The following MAPK6 variants were observed in gnomAD, a reference collection of about 807,000 sequenced individuals.
MAPK6 encodes the protein ERK-3.
A neutral mutation model predicts 59.3 loss-of-function variants in MAPK6; 19 were observed. That is an observed-to-expected ratio of 0.32 (90% CI 0.22 to 0.47). MAPK6 has a LOEUF of 0.47. Among genes scored for constraint, MAPK6 ranks in the 20% least tolerant of loss-of-function variants. The pLI, the probability that MAPK6 is intolerant of heterozygous loss-of-function variation, is 1.00. For missense variants in MAPK6, 724 were observed against 847.9 expected (o/e 0.85, Z 1.81); for synonymous variants, 316 against 290.3 (o/e 1.09, Z -0.90).
intron 5 of MAPK6, 96 bp from the exon 6 acceptor site, chr15:52,063,804 CAT>C (rs2032301723): frequency 9.5e-7 from 1 of 1,053,838 alleles, no homozygotes; most frequent in African/African-American, 1.6e-5. Flanking sequence ...ATTATCCCCT[CAT>C]AGACCTAGCA....
chr15:51,976,065 G>A lies in MAPK6; in HGVS notation c.-880+4159G>A, dbSNP rs377276674. ...GCGGATCACGAGGTCAGGAAAGCAA[G>A]ACCATCCTGGCTAACACGGTGAAAC... is the stretch of plus-strand genomic sequence containing the variant. On this transcript the variant is annotated intron_variant, in intron 1 of 7. Coordinates refer to the MAPK6 transcript ENST00000691380. Among the ~76,000 whole-genome samples, 21 of 151,798 alleles carry A rather than the reference G, an allele frequency of 1.4e-4. No individual in the cohort carries two copies. The South Asian group carries it at 4.2e-3, about 30-fold the overall frequency.
At chr15:52,043,804 G>A (rs142870580) in intron 1 of MAPK6, among the ~76,000 whole-genome samples, 1,646 of 121,202 alleles carry the variant, frequency 0.014, 22 homozygotes, top group Non-Finnish European at 0.022. Flanking sequence ...TGTCCCCCAG[G>A]CTGGAGTGCA....
chr15:52,018,776 C>T (rs2030355772), upstream of MAPK6: 1 of 152,464 alleles, frequency 6.6e-6, no homozygotes. Context: ...TTCCTCCATA[C>T]TCTGGCAGAA....
chr15:51,998,331 A>G (rs1019456790), intron 2 of MAPK6, among the ~76,000 whole-genome samples: 1 of 151,754 alleles, frequency 6.6e-6, no homozygotes, highest in African/African-American at 2.4e-5. Flanking sequence ...CAGCCTCCCA[A>G]GTAGCTGGGA....
intron 5 of MAPK6, among the ~76,000 whole-genome samples, chr15:52,062,576 C>G (rs1253848734): frequency 6.6e-6 from 1 of 152,054 alleles, no homozygotes; most frequent in African/African-American, 2.4e-5. Context: ...ACCAGCCTGG[C>G]TAACGTGGTG....
chr15:52,035,123 C>T (rs2031192798), intron 1 of MAPK6, among the ~76,000 whole-genome samples: 1 of 152,192 alleles, frequency 6.6e-6, no homozygotes, highest in South Asian at 2.1e-4. Context: ...CAAGATTTTC[C>T]TTATCTCTTG....
Position 52,046,536 on chromosome 15 carries a change from T to C in MAPK6, c.76T>C (p.Leu26=), listed in dbSNP as rs147149863. 3 of 1,613,826 alleles carry C rather than the reference T, an allele frequency of 1.9e-6. No individual in the cohort carries two copies. Among genetic ancestry groups the C allele is most frequent in the East Asian group, 2.2e-5 (1 of 44,898 alleles). ...LGSRYMDLKP[L]GCGGNGLVFS... ...TTCTAGGTATATGGACTTAAAACCA[T>C]TGGGTTGTGGAGGCAATGGCTTGGT... The change falls in exon 2 of 6, where the codon TTG becomes CTG. Residue 26 remains leucine, a synonymous_variant. Coordinates refer to ENST00000261845, the MANE Select transcript of MAPK6 (RefSeq NM_002748.4).
intron 1 of MAPK6, among the ~76,000 whole-genome samples, chr15:51,976,622 G>A (rs75794617): frequency 6.6e-6 from 1 of 151,740 alleles, no homozygotes; most frequent in African/African-American, 2.4e-5. Flanking sequence ...ACAATTCTGA[G>A]AGTTAGAACT....
chr15:51,977,942 G>A (rs1465705196), intron 1 of MAPK6, among the ~76,000 whole-genome samples: 1 of 151,796 alleles, frequency 6.6e-6, no homozygotes, highest in Admixed American at 6.6e-5. Flanking sequence ...ATAAATGGGT[G>A]CTGTGGCATA....
At chr15:52,062,451 A>G (rs900467439) in intron 5 of MAPK6, among the ~76,000 whole-genome samples, 6 of 152,318 alleles carry the variant, frequency 3.9e-5, no homozygotes, top group Admixed American at 2.0e-4. Context: ...GATGTTTCAT[A>G]AAGTGAAATA....
intron 1 of MAPK6, among the ~76,000 whole-genome samples, chr15:51,974,616 G>T (rs1381403697): frequency 7.9e-6 from 1 of 126,954 alleles, no homozygotes; most frequent in Admixed American, 9.4e-5. Flanking sequence ...CTGAGATCAC[G>T]CCACTGCACC....
At chr15:51,975,257 A>T (rs1350633954) in intron 1 of MAPK6, among the ~76,000 whole-genome samples, 1 of 151,756 alleles carries the variant, frequency 6.6e-6, no homozygotes, top group African/African-American at 2.4e-5. Context: ...AAAAATACTC[A>T]ACAGGCCGGG....
intron 4 of MAPK6, among the ~76,000 whole-genome samples, chr15:52,060,860 C>T (rs966572850): frequency 6.6e-6 from 1 of 152,198 alleles, no homozygotes; most frequent in Admixed American, 6.5e-5. Context: ...ATGATTACAT[C>T]TCATTTTTGT....
In MAPK6 at chr15:52,064,942, A is replaced by G. The variant is rs1259047451; in HGVS notation, c.2108A>G (p.Lys703Arg). 1 of 1,611,816 alleles carries G rather than the reference A, an allele frequency of 6.2e-7. No homozygotes were observed. Among genetic ancestry groups the G allele is most frequent in the East Asian group, 2.2e-5 (1 of 44,886 alleles). ...GCCACATTAACACCTTCTGCTATGA[A>G]ATCTTCCCCTCAAATTCCTCATCAA... is the stretch of plus-strand genomic sequence containing the variant. Reference protein sequence around the residue: ...IQATLTPSAMKSSPQIPHQTY... With the variant: ...IQATLTPSAMRSSPQIPHQTY... The change falls in exon 6 of 6, where the codon AAA becomes AGA. Residue 703 changes from lysine (K) to arginine (R), a missense_variant. By Grantham distance (26) the Lys-to-Arg change is conservative. Coordinates refer to ENST00000261845, the MANE Select transcript of MAPK6 (RefSeq NM_002748.4).
chr15:52,039,908 A>C lies in MAPK6; in HGVS notation c.-631-5922A>C, dbSNP rs985742536. Among the ~76,000 whole-genome samples the C allele has an allele frequency of 4.9e-4, 74 of 152,254 alleles. 1 individual carries two copies. Among genetic ancestry groups the C allele is most frequent in the Middle Eastern group, 3.4e-3 (1 of 294 alleles). Reference sequence around the variant, plus strand: ...TAAGCATAGTTACTGATACTACCCAAAGCCTTTCAGACTTTGGCATTTTAG... The same window carrying C: ...TAAGCATAGTTACTGATACTACCCACAGCCTTTCAGACTTTGGCATTTTAG... On this transcript the variant is annotated intron_variant, in intron 1 of 5. Coordinates refer to ENST00000261845, the MANE Select transcript of MAPK6 (RefSeq NM_002748.4).
intron 5 of MAPK6, among the ~76,000 whole-genome samples, chr15:52,062,537 G>A (rs1264628810): frequency 6.6e-6 from 1 of 152,118 alleles, no homozygotes; most frequent in Non-Finnish European, 1.5e-5. Context: ...GGCTGAGGCA[G>A]GCCAATTACC....
chr15:52,059,929 G>GT (rs1420270432), intron 4 of MAPK6, among the ~76,000 whole-genome samples: 1 of 152,156 alleles, frequency 6.6e-6, no homozygotes, highest in Non-Finnish European at 1.5e-5. Flanking sequence ...AAGAATACAT[G>GT]TTCTCACCCC....
intron 3 of MAPK6, among the ~76,000 whole-genome samples, chr15:52,055,493 G>C (rs937864171): frequency 1.3e-5 from 2 of 152,166 alleles, no homozygotes; most frequent in Non-Finnish European, 2.9e-5. Flanking sequence ...TACTGCTGCT[G>C]CATGGATTAT....
intron 1 of MAPK6, among the ~76,000 whole-genome samples, chr15:51,975,643 A>G (rs1566892118): frequency 6.6e-6 from 1 of 151,934 alleles, no homozygotes; most frequent in Non-Finnish European, 1.5e-5. Flanking sequence ...AAAATAACAG[A>G]TTGATTAAAC....
Sources: allele counts gnomAD v4.1 joint callset (sites outside exome capture counted in the v4.1 genomes callset), GRCh38; gene constraint gnomAD v4.1.1; transcripts MANE v1.5; gene names NCBI Gene and HGNC (gene_info 2026-07-23, HGNC 2026-07-21).